PTPRN2: variants seen among roughly 807,000 people sequenced by gnomAD.
The protein encoded by PTPRN2 is protein tyrosine phosphatase receptor type N2.
Under a neutral mutation model 118.8 loss-of-function variants are expected in PTPRN2, and 74 were observed. That is an observed-to-expected ratio of 0.62 (90% confidence interval 0.52 to 0.76). PTPRN2 has a LOEUF of 0.76. Ranked by LOEUF, PTPRN2 falls within the 30% of genes least tolerant of loss-of-function variation. The pLI is 0.00. For synonymous variants in PTPRN2, 641 were observed against 608.0 expected (o/e 1.05, Z -0.80); for missense variants, 1,481 against 1,394.4 (o/e 1.06, Z -0.99).
intron 2 of PTPRN2, among the ~76,000 whole-genome samples, chr7:158,354,638 G>A (rs1808247727): frequency 6.6e-6 from 1 of 151,822 alleles, no homozygotes; most frequent in African/African-American, 2.4e-5. Flanking sequence ...AATCAGAGGA[G>A]GAAAAAGAAC....
chr7:157,631,674 T>C (rs1394983841), intron 14 of PTPRN2, among the ~76,000 whole-genome samples: 1 of 151,864 alleles, frequency 6.6e-6, no homozygotes, highest in Non-Finnish European at 1.5e-5. Flanking sequence ...CTGCTAAAAA[T>C]ACAAAAAATT....
chr7:157,746,923 C>G (rs1021363584), intron 12 of PTPRN2, among the ~76,000 whole-genome samples: 7 of 151,304 alleles, frequency 4.6e-5, no homozygotes, highest in Non-Finnish European at 8.8e-5. Flanking sequence ...AGGCCTGCGT[C>G]CCTGAGCTCT....
At chr7:158,162,071 A>G (rs1822411742) in intron 6 of PTPRN2, among the ~76,000 whole-genome samples, 1 of 152,138 alleles carries the variant, frequency 6.6e-6, no homozygotes, top group Non-Finnish European at 1.5e-5. Flanking sequence ...CGGAACCCAG[A>G]ACATTGACAA....
chr7:157,809,733 C>T (rs946654244), intron 12 of PTPRN2, among the ~76,000 whole-genome samples: 2 of 152,144 alleles, frequency 1.3e-5, no homozygotes, highest in African/African-American at 2.4e-5. Flanking sequence ...TTCCTGAGCA[C>T]GTGGCCCTGA....
chr7:158,336,639 T>C (rs1379413093), intron 2 of PTPRN2, among the ~76,000 whole-genome samples: 122 of 130,920 alleles, frequency 9.3e-4, no homozygotes, highest in African/African-American at 3.9e-3. Flanking sequence ...CAGACGTCAC[T>C]CACACCCACA....
chr7:158,320,363 A>C (rs5012917), intron 2 of PTPRN2, among the ~76,000 whole-genome samples: 143,324 of 152,318 alleles, frequency 0.94, 67,506 homozygotes, highest in Non-Finnish European at 0.96. Context: ...TGACAATCAG[A>C]CTAACAGTGG....
At chr7:158,404,918 T>A (rs1447505698) in intron 2 of PTPRN2, among the ~76,000 whole-genome samples, 3 of 62,680 alleles carry the variant, frequency 4.8e-5, no homozygotes, top group Admixed American at 2.1e-4. Context: ...CCCAGCTCCC[T>A]GGCTCCCAGC....
At chr7:157,781,755 C>T (rs1014072662) in intron 12 of PTPRN2, among the ~76,000 whole-genome samples, 9 of 152,176 alleles carry the variant, frequency 5.9e-5, no homozygotes, top group Non-Finnish European at 1.2e-4. Flanking sequence ...CTTCACAGTA[C>T]CCAAAACGTA....
At chr7:158,538,377 C>T (rs866768627) in intron 1 of PTPRN2, among the ~76,000 whole-genome samples, 3 of 152,230 alleles carry the variant, frequency 2.0e-5, no homozygotes, top group Admixed American at 6.5e-5. Flanking sequence ...CCCTGCGCGG[C>T]GTGTCCCTCT....
At chr7:158,339,785 T>C in intron 2 of PTPRN2, among the ~76,000 whole-genome samples, 1 of 98,454 alleles carries the variant, frequency 1.0e-5, no homozygotes. Flanking sequence ...ACACCCACAC[T>C]CTCACCATAA....
intron 12 of PTPRN2, among the ~76,000 whole-genome samples, chr7:157,832,097 G>A (rs1286029821): frequency 6.6e-6 from 1 of 152,188 alleles, no homozygotes; most frequent in Non-Finnish European, 1.5e-5. Flanking sequence ...AGCAGCGCCC[G>A]GAAGCTCGGA....
chr7:158,389,738 G>A (rs1304152253), intron 2 of PTPRN2, among the ~76,000 whole-genome samples: 3 of 152,206 alleles, frequency 2.0e-5, no homozygotes, highest in Admixed American at 6.5e-5. Flanking sequence ...AAATCATCAC[G>A]CGTCGCATTC....
At chr7:158,092,922 C>T (rs970404046) in intron 10 of PTPRN2, among the ~76,000 whole-genome samples, 1 of 152,182 alleles carries the variant, frequency 6.6e-6, no homozygotes, top group African/African-American at 2.4e-5. Context: ...GTAACAACCA[C>T]AAAATTTGAC....
At chr7:158,552,552 C>T (rs1178851791) in intron 1 of PTPRN2, among the ~76,000 whole-genome samples, 5 of 152,180 alleles carry the variant, frequency 3.3e-5, no homozygotes, top group East Asian at 3.9e-4. Context: ...CTGGTTCAAG[C>T]GATTTTTCTG....
In PTPRN2 at chr7:158,113,954, G is replaced by A. The variant is rs180957742; in HGVS notation, c.1557-3039C>T. On this transcript the variant is annotated intron_variant, in intron 9 of 22. Transcript: ENST00000389418. The stretch of plus-strand genomic sequence containing the variant: ...GCCCGGTACCTCCAGGGAGACCGGT[G>A]GCCCCTACATCTGGGTACCCCTCAG... Among the ~76,000 whole-genome samples the A allele has an allele frequency of 4.3e-3, 658 of 152,302 alleles. 2 individuals carry two copies. Among genetic ancestry groups the A allele is most frequent in the Non-Finnish European group, 7.3e-3 (498 of 68,020 alleles).
At chr7:158,045,745 A>C (rs886377459) in intron 11 of PTPRN2, among the ~76,000 whole-genome samples, 1 of 151,280 alleles carries the variant, frequency 6.6e-6, no homozygotes, top group African/African-American at 2.4e-5. Context: ...CCAGGAGCAG[A>C]ACCTGCGATC....
chr7:158,454,777 T>G (rs964891377), intron 2 of PTPRN2, among the ~76,000 whole-genome samples: 3 of 152,174 alleles, frequency 2.0e-5, no homozygotes, highest in Non-Finnish European at 4.4e-5. Context: ...GAGTGGAGTG[T>G]GGATCATTGC....
chr7:158,167,242 G>A lies in PTPRN2; in HGVS notation c.599C>T (p.Ser200Phe), dbSNP rs768325491. Residue 200 changes from serine (S) to phenylalanine (F), a missense_variant, in exon 6 of 23, where the codon TCT becomes TTT. Transcript: ENST00000389418. ...ESILTYVAHT[S>F]ALTYPPGSRT... is the part of the protein sequence containing the mutation. ...GGACCCGGGAGGGTAGGTCAGCGCA[G>A]ACGTGTGGGCCACATAGGTCAGGAT... 1.2e-6 allele frequency: 2 copies of A among 1,612,812 alleles called. No individual in the cohort carries two copies. The highest frequency in any genetic ancestry group is 3.3e-5 in the Admixed American group (2 of 59,922).
rs1461062007 is a variant in PTPRN2, at chr7:158,526,010, GCCCAGC to G, written c.113-36231_113-36226del. On this transcript the variant is annotated intron_variant, in intron 1 of 22. Coordinates refer to ENST00000389418, the MANE Select transcript of PTPRN2 (RefSeq NM_002847.5). This position sits in a 1 kb window ranked among gnomAD's most constrained non-coding sequence, Gnocchi z 5.2. ...CTCTCTGCAGACCTGCAGACCTGCA[GCCCAGC>G]CCCTACTCTCCCCTCTGGCTGGCAT... is the stretch of plus-strand genomic sequence containing the variant. 1.3e-5 allele frequency among the ~76,000 whole-genome samples: 2 copies of G among 152,186 alleles called. No individual in the cohort carries two copies. Among genetic ancestry groups the G allele is most frequent in the Non-Finnish European group, 2.9e-5 (2 of 68,024 alleles).
Sources: allele counts gnomAD v4.1 joint callset (sites outside exome capture counted in the v4.1 genomes callset), GRCh38; gene constraint gnomAD v4.1.1; non-coding constraint Gnocchi (gnomAD v3.1); transcripts MANE v1.5; gene names NCBI Gene and HGNC (gene_info 2026-07-23, HGNC 2026-07-21).